NTM: variants seen among roughly 807,000 people sequenced by gnomAD.
NTM encodes the protein neurotrimin, also known as IgLON family member 2.
Under a neutral mutation model 42.1 loss-of-function variants are expected in NTM, and 13 were observed. The observed-to-expected ratio is 0.31, with a 90% confidence interval of 0.20 to 0.49. The LOEUF (loss-of-function observed/expected upper bound fraction) is 0.49. NTM is among the 20% of genes least tolerant of loss of function. The pLI is 0.99. For missense variants in NTM, 373 were observed against 452.8 expected, an observed-to-expected ratio of 0.82 and a Z score of 1.60; for synonymous variants, 187 against 179.2, an observed-to-expected ratio of 1.04 and a Z score of -0.35.
At chr11:132,312,359 C>T (rs1249305395) in intron 6 of NTM, 1 of 152,214 alleles carries the variant, frequency 6.6e-6, no homozygotes, top group Non-Finnish European at 1.5e-5. Flanking sequence ...CAGAATGACT[C>T]AACTGCACGC....
rs942495069 is a variant in NTM, at chr11:131,789,731, C to T, written c.83-121833C>T. On this transcript the variant is annotated intron_variant, in intron 1 of 8. Coordinates refer to ENST00000683400, the MANE Select transcript of NTM (RefSeq NM_001352005.2). ...CAGCACTTTGGGAGGTGGAGGCAGGCGGATCACGAGGTCAGGAGATCAAGA... is the reference window on the plus strand; with the variant it reads ...CAGCACTTTGGGAGGTGGAGGCAGGTGGATCACGAGGTCAGGAGATCAAGA... Among the ~76,000 whole-genome samples the T allele has an allele frequency of 5.9e-4, 89 of 150,862 alleles. 3 individuals carry two copies. Among genetic ancestry groups the T allele is most frequent in the Admixed American group, 1.8e-3 (28 of 15,174 alleles).
At chr11:131,742,009 G>A (rs2081263062) in intron 1 of NTM, among the ~76,000 whole-genome samples, 1 of 152,118 alleles carries the variant, frequency 6.6e-6, no homozygotes, top group Non-Finnish European at 1.5e-5. Context: ...TCACGTATGA[G>A]TAGGAGCTAA....
At chr11:132,287,055 A>G (rs1286630136) in intron 4 of NTM, among the ~76,000 whole-genome samples, 1 of 152,140 alleles carries the variant, frequency 6.6e-6, no homozygotes, top group Non-Finnish European at 1.5e-5. Flanking sequence ...ATTCTTCAAA[A>G]TATTTTCTAG....
intron 1 of NTM, among the ~76,000 whole-genome samples, chr11:131,555,941 A>G (rs1014763810): frequency 6.6e-6 from 1 of 152,168 alleles, no homozygotes; most frequent in Admixed American, 6.5e-5. Flanking sequence ...AATGTTCCAG[A>G]TGCCAACGGT....
chr11:132,250,508 C>T (rs1202847710), intron 4 of NTM, among the ~76,000 whole-genome samples: 1 of 152,048 alleles, frequency 6.6e-6, no homozygotes, highest in South Asian at 2.1e-4. Flanking sequence ...TGGGACTCCT[C>T]ACTAAATGTA....
At chr11:131,745,796 A>C (rs1216467661) in intron 1 of NTM, among the ~76,000 whole-genome samples, 1 of 152,200 alleles carries the variant, frequency 6.6e-6, no homozygotes, top group Non-Finnish European at 1.5e-5. Flanking sequence ...GATGATTATA[A>C]ATATTTCTTG....
At chr11:131,434,042 G>T (rs1948914921) in intron 1 of NTM, among the ~76,000 whole-genome samples, 1 of 152,098 alleles carries the variant, frequency 6.6e-6, no homozygotes, top group African/African-American at 2.4e-5. Context: ...GTGAGAACAT[G>T]CGGTGTTTGG....
At chr11:132,259,737 TTTTGTTTGTTTGTTTG>T (rs544919719) in intron 4 of NTM, among the ~76,000 whole-genome samples, 1 of 151,482 alleles carries the variant, frequency 6.6e-6, no homozygotes, top group Non-Finnish European at 1.5e-5. Context: ...AGTTTTTTGT[TTTTGTTTGTTTGTTTG>T]TTTGTTTGTT....
chr11:132,021,993 G>C (rs919067325), intron 2 of NTM, among the ~76,000 whole-genome samples: 45 of 152,172 alleles, frequency 3.0e-4, no homozygotes, highest in Non-Finnish European at 2.6e-4. Flanking sequence ...AGCAGAACCT[G>C]GGGTAGTCAT....
chr11:131,679,883 T>C (rs2072126051), intron 1 of NTM, among the ~76,000 whole-genome samples: 1 of 152,194 alleles, frequency 6.6e-6, no homozygotes, highest in South Asian at 2.1e-4. Flanking sequence ...GGCATGGGCT[T>C]TCCGATGGAG....
At chr11:131,572,241 A>G (rs1592089219) in intron 1 of NTM, among the ~76,000 whole-genome samples, 1 of 152,266 alleles carries the variant, frequency 6.6e-6, no homozygotes, top group East Asian at 1.9e-4. Context: ...TCAGACCATC[A>G]GAGGTGCCCT....
intron 1 of NTM, among the ~76,000 whole-genome samples, chr11:131,746,534 C>T (rs902945776): frequency 6.6e-6 from 1 of 152,142 alleles, no homozygotes; most frequent in South Asian, 2.1e-4. Context: ...CTTTCTTGAT[C>T]CTTACGGTAT....
intron 1 of NTM, among the ~76,000 whole-genome samples, chr11:131,471,017 A>G (rs1025278073): frequency 2.0e-5 from 3 of 152,140 alleles, no homozygotes; most frequent in Non-Finnish European, 4.4e-5. Flanking sequence ...CCTGCCATAC[A>G]TTTTTACAGC....
At chr11:131,559,635 A>G (rs11825660) in intron 1 of NTM, among the ~76,000 whole-genome samples, 34,647 of 152,186 alleles carry the variant, frequency 0.23, 5,338 homozygotes, top group African/African-American at 0.44. Context: ...CGCTGTAATC[A>G]GGCCTCTCCC....
intron 1 of NTM, among the ~76,000 whole-genome samples, chr11:131,381,827 G>A (rs538446689): frequency 1.4e-4 from 21 of 152,166 alleles, no homozygotes; most frequent in Non-Finnish European, 2.8e-4. Flanking sequence ...TAAAGCAGAT[G>A]CCCAGGTCTG....
At chr11:132,041,512 G>T (rs1328023084) in intron 2 of NTM, among the ~76,000 whole-genome samples, 2 of 152,024 alleles carry the variant, frequency 1.3e-5, no homozygotes, top group Non-Finnish European at 2.9e-5. Context: ...TTTTATTTTT[G>T]TCTCTGGGCA....
At chr11:131,544,801 C>T (rs946896047) in intron 1 of NTM, among the ~76,000 whole-genome samples, 3 of 152,148 alleles carry the variant, frequency 2.0e-5, no homozygotes, top group Non-Finnish European at 2.9e-5. Flanking sequence ...CTGGGGGCGC[C>T]GCTTGCTCTA....
chr11:131,707,045 T>C (rs971693276), intron 1 of NTM, among the ~76,000 whole-genome samples: 6 of 152,030 alleles, frequency 3.9e-5, no homozygotes, highest in African/African-American at 1.4e-4. Context: ...TTATTAACTA[T>C]AGTCACCATG....
intron 3 of NTM, among the ~76,000 whole-genome samples, chr11:132,155,551 C>T (rs1388628369): frequency 1.5e-5 from 2 of 132,864 alleles, no homozygotes; most frequent in African/African-American, 6.8e-5. Flanking sequence ...CTCTATTGCT[C>T]CTGGCTTTCT....
Sources: gnomAD v4.1 joint callset for allele counts (sites outside exome capture counted in the v4.1 genomes callset) on GRCh38, gnomAD v4.1.1 for gene constraint, MANE v1.5 for transcripts, NCBI Gene and HGNC (gene_info 2026-07-23, HGNC 2026-07-21) for gene names.